The following GABRG3 variants were observed in gnomAD, a reference collection of about 807,000 sequenced individuals.
GABRG3 encodes the protein gamma-aminobutyric acid receptor subunit gamma-3.
GABRG3 carries 25 observed loss-of-function variants against 48.8 expected under a neutral mutation model. The ratio of observed to expected loss-of-function variants is 0.51; its 90% confidence interval spans 0.37 to 0.72. GABRG3 has a LOEUF of 0.72. Ranked by LOEUF, GABRG3 falls within the 30% of genes least tolerant of loss-of-function variation. The probability of loss-of-function intolerance (pLI) is 0.00; values close to 1 mark genes in which losing one functional copy is unlikely to be tolerated. For missense variants in GABRG3, 394 were observed against 577.9 expected, an observed-to-expected ratio of 0.68 and a Z score of 3.26; for synonymous variants, 227 against 217.6, an observed-to-expected ratio of 1.04 and a Z score of -0.38.
In GABRG3 at chr15:27,386,335, C is replaced by T. The variant is rs190346453; in HGVS notation, c.574+57447C>T. 5.9e-5 allele frequency among the ~76,000 whole-genome samples: 9 copies of T among 152,232 alleles called. No individual in the cohort carries two copies. The East Asian group carries it at 1.4e-3, about 23-fold the overall frequency. ...TTCATCCAGGGACTTTTAGTTCCAA[C>T]GGCCCTCTCTAGCCTCTTCTAAGTT... On this transcript the variant is annotated intron_variant, in intron 5 of 9. Coordinates refer to ENST00000615808, the MANE Select transcript of GABRG3 (RefSeq NM_033223.5).
At chr15:27,011,745 G>A (rs563933362) in intron 2 of GABRG3, among the ~76,000 whole-genome samples, 16 of 152,114 alleles carry the variant, frequency 1.1e-4, no homozygotes, top group Admixed American at 7.9e-4. Flanking sequence ...CTACTCAGGA[G>A]GCTGAGGCAG....
chr15:27,481,281 AT>A, intron 6 of GABRG3: 1 of 919,982 alleles, frequency 1.1e-6, no homozygotes, highest in Non-Finnish European at 1.3e-6. Context: ...TGAAGTGATC[AT>A]TATATGCATA....
At chr15:27,480,562 T>C in intron 5 of GABRG3, 88 bp from the exon 6 acceptor site, 1 of 1,251,980 alleles carries the variant, frequency 8.0e-7, no homozygotes, top group East Asian at 2.5e-5. Context: ...TCCTAACTCC[T>C]GTAATTCATT....
At chr15:27,121,027 T>C (rs1463535365) in intron 3 of GABRG3, among the ~76,000 whole-genome samples, 1 of 152,170 alleles carries the variant, frequency 6.6e-6, no homozygotes, top group East Asian at 1.9e-4. Flanking sequence ...TCTGCTGCCT[T>C]GGGGAAGGAA....
At position 27,270,858 on chromosome 15, in the gene GABRG3, T is replaced by G. The variant is rs77398511; in HGVS notation, c.271-55951T>G. ...CTCATAAATGTGTAACATTATTTCATGTCAATCATAAATGAAAATGTAATT... is the reference window on the plus strand; with the variant it reads ...CTCATAAATGTGTAACATTATTTCAGGTCAATCATAAATGAAAATGTAATT... On this transcript the variant is annotated intron_variant, in intron 3 of 9. Transcript: ENST00000615808. 8.8e-3 allele frequency among the ~76,000 whole-genome samples: 1,337 copies of G among 152,330 alleles called. 12 individuals are homozygous for G. The highest frequency in any genetic ancestry group is 0.03 in the African/African-American group (1,267 of 41,566).
At chr15:27,228,427 A>T (rs1411435667) in intron 3 of GABRG3, among the ~76,000 whole-genome samples, 2 of 152,196 alleles carry the variant, frequency 1.3e-5, no homozygotes, top group East Asian at 3.8e-4. Context: ...AGTATTACAT[A>T]GTATATATGT....
intron 3 of GABRG3, among the ~76,000 whole-genome samples, chr15:27,294,422 G>A (rs1245608610): frequency 6.6e-6 from 1 of 151,908 alleles, no homozygotes; most frequent in Non-Finnish European, 1.5e-5. Context: ...TAGCCATGTT[G>A]CCCAGGCTGG....
At chr15:27,250,572 G>A (rs935145224) in intron 3 of GABRG3, among the ~76,000 whole-genome samples, 10 of 152,026 alleles carry the variant, frequency 6.6e-5, no homozygotes, top group African/African-American at 7.2e-5. Flanking sequence ...GATTATAGTC[G>A]TGTGCCACCA....
chr15:27,527,684 G>A, intron 8 of GABRG3, 55 bp downstream of exon 8: 1 of 1,454,374 alleles, frequency 6.9e-7, no homozygotes, highest in South Asian at 1.2e-5. Context: ...TGTTTGAGAT[G>A]AGTGTGTACT....
At chr15:27,195,377 G>A (rs572608651) in intron 3 of GABRG3, among the ~76,000 whole-genome samples, 6 of 152,080 alleles carry the variant, frequency 3.9e-5, no homozygotes, top group Non-Finnish European at 7.4e-5. Context: ...CTGTCACCAG[G>A]CTGGAGTGCA....
chr15:27,205,739 A>C (rs1209661280), intron 3 of GABRG3, among the ~76,000 whole-genome samples: 1 of 151,016 alleles, frequency 6.6e-6, no homozygotes, highest in Admixed American at 6.6e-5. Context: ...TTACTGATTC[A>C]ATTTTGGAAC....
At chr15:27,515,496 G>A (rs567384514) in intron 6 of GABRG3, among the ~76,000 whole-genome samples, 1 of 152,166 alleles carries the variant, frequency 6.6e-6, no homozygotes, top group African/African-American at 2.4e-5. Context: ...TTTTGGCTGA[G>A]CATTGCTTGC....
chr15:27,476,642 A>C (rs1261133734), intron 5 of GABRG3, among the ~76,000 whole-genome samples: 3 of 152,212 alleles, frequency 2.0e-5, no homozygotes, highest in Admixed American at 6.5e-5. Context: ...AACAAAATGA[A>C]AAATGAATGA....
chr15:27,412,259 A>C (rs893766395), intron 5 of GABRG3, among the ~76,000 whole-genome samples: 3 of 152,114 alleles, frequency 2.0e-5, no homozygotes, highest in Admixed American at 1.3e-4. Flanking sequence ...CAATACCAAA[A>C]CATGGACACT....
chr15:27,041,950 G>A (rs1384291253), intron 3 of GABRG3, among the ~76,000 whole-genome samples: 2 of 152,202 alleles, frequency 1.3e-5, no homozygotes, highest in African/African-American at 4.8e-5. Flanking sequence ...TCATGCAGAT[G>A]AAGGAAGGGT....
Position 27,410,968 on chromosome 15 carries a change from T to C in GABRG3, c.575-69682T>C, listed in dbSNP as rs193300989. ...TTCTAAAGTTCGTCTTTCACAGATA[T>C]TGAAGATCCATCAGCGATGAGACAT... On this transcript the variant is annotated intron_variant, in intron 5 of 9. Transcript: ENST00000615808. Among the ~76,000 whole-genome samples the C allele has an allele frequency of 3.0e-3, 461 of 152,140 alleles. 1 individual carries two copies. Among genetic ancestry groups the C allele is most frequent in the Middle Eastern group, 6.8e-3 (2 of 294 alleles).
intron 5 of GABRG3, among the ~76,000 whole-genome samples, chr15:27,464,707 TA>T (rs1889550479): frequency 6.6e-6 from 1 of 152,244 alleles, no homozygotes; most frequent in Non-Finnish European, 1.5e-5. Flanking sequence ...TCTTGGTGAC[TA>T]ATGATGCTAA....
chr15:26,977,490 C>A (rs557847187), intron 2 of GABRG3, among the ~76,000 whole-genome samples: 22 of 152,308 alleles, frequency 1.4e-4, no homozygotes, highest in African/African-American at 5.1e-4. Context: ...AATTTCTAAC[C>A]ATTGTCAGCC....
At chr15:27,342,541 C>T (rs376204333) in intron 5 of GABRG3, among the ~76,000 whole-genome samples, 1 of 152,198 alleles carries the variant, frequency 6.6e-6, no homozygotes, top group East Asian at 1.9e-4. Context: ...GCTTCCATTC[C>T]CACAGACCTT....
Sources: allele counts gnomAD v4.1 joint callset (sites outside exome capture counted in the v4.1 genomes callset), GRCh38; gene constraint gnomAD v4.1.1; transcripts MANE v1.5; gene names NCBI Gene and HGNC (gene_info 2026-07-23, HGNC 2026-07-21).